Variants in DGKD observed in about 807,000 individuals in gnomAD.
DGKD encodes the protein diacylglycerol kinase delta.
DGKD carries 68 observed loss-of-function variants against 154.4 expected under a neutral mutation model. The observed-to-expected ratio is 0.44, with a 90% CI of 0.36 to 0.54. The LOEUF (loss-of-function observed/expected upper bound fraction) is 0.54, where lower values mean the gene tolerates loss of function less well. Among genes scored for constraint, DGKD ranks in the 20% least tolerant of loss-of-function variants. DGKD has a pLI of 0.00. For synonymous variants in DGKD, 693 were observed against 638.0 expected, an observed-to-expected ratio of 1.09 and a Z score of -1.30; for missense variants, 1,343 against 1,593.6, an observed-to-expected ratio of 0.84 and a Z score of 2.68.
chr2:233,365,486 C>G (rs536664645), intron 1 of DGKD, among the ~76,000 whole-genome samples: 4 of 152,232 alleles, frequency 2.6e-5, no homozygotes, highest in African/African-American at 7.2e-5. Context: ...CTCAGGTGAT[C>G]CACCTGCCTC....
At chr2:233,383,083 C>G (rs1427875089) in intron 1 of DGKD, among the ~76,000 whole-genome samples, 7 of 151,128 alleles carry the variant, frequency 4.6e-5, no homozygotes, top group Admixed American at 2.0e-4. Flanking sequence ...TCTTGTCACC[C>G]AGGCGGGAGT....
At chr2:233,434,582 G>T in intron 4 of DGKD, 98 bp downstream of exon 4, 1 of 1,427,312 alleles carries the variant, frequency 7.0e-7, no homozygotes, top group East Asian at 2.3e-5. Flanking sequence ...CCCACAGTCT[G>T]GAGCTCACGT....
chr2:233,429,383 G>A (rs2062430179), intron 3 of DGKD: 4 of 943,514 alleles, frequency 4.2e-6, no homozygotes, highest in Non-Finnish European at 5.0e-6. Context: ...TGAACAGTTC[G>A]GGACGTGTGC....
chr2:233,368,429 A>G lies in DGKD; in HGVS notation c.156+13755A>G, dbSNP rs946980039. ...CCAGAGGCCGAGGCAGGAGAATCGC[A>G]TGAACCCAGGAGGAGGAGGTTGCAG... is the stretch of plus-strand genomic sequence containing the variant. On this transcript the variant is annotated intron_variant, in intron 1 of 29. Transcript: ENST00000264057. Among the ~76,000 whole-genome samples, 3 of 152,178 alleles carry G rather than the reference A, an allele frequency of 2.0e-5. No individual in the cohort carries two copies. In the East Asian group the frequency reaches 5.8e-4, roughly 30 times the overall value.
At position 233,458,719 on chromosome 2, in the gene DGKD, C is replaced by G. The variant is rs1185980981; in HGVS notation, c.2694+322C>G. Among the ~76,000 whole-genome samples the G allele has an allele frequency of 6.6e-6, 1 of 150,838 alleles. No homozygotes were observed. The highest frequency in any genetic ancestry group is 1.5e-5 in the Non-Finnish European group (1 of 67,902). On this transcript the variant is annotated intron_variant, in intron 22 of 29. Coordinates refer to ENST00000264057, the MANE Select transcript of DGKD (RefSeq NM_152879.3). The surrounding 1 kb of genome is among the most constrained non-coding windows in gnomAD (Gnocchi z 6.6). The stretch of plus-strand genomic sequence containing the variant: ...CTCCACCTCCCTGGTTCAAGTGATT[C>G]TCCCGCCTCAGCCTTCCGAGTAGCT...
chr2:233,460,155 T>A (rs775889937), intron 23 of DGKD, 39 bp from the exon 24 acceptor site: 6 of 1,609,336 alleles, frequency 3.7e-6, no homozygotes, highest in Non-Finnish European at 5.1e-6. Context: ...AGATGCATGC[T>A]TCAGAGCAGC....
chr2:233,463,778 C>A, intron 26 of DGKD: 1 of 253,216 alleles, frequency 3.9e-6, no homozygotes, highest in South Asian at 5.6e-5. Context: ...CCCGTGGTCA[C>A]ACGCGTGTCC....
chr2:233,392,577 C>T (rs1474667064), intron 3 of DGKD, among the ~76,000 whole-genome samples: 2 of 151,996 alleles, frequency 1.3e-5, no homozygotes, highest in African/African-American at 2.4e-5. Context: ...TTAAACCAAC[C>T]CCATAAAATT....
intron 1 of DGKD, among the ~76,000 whole-genome samples, chr2:233,382,959 C>T (rs555388632): frequency 2.0e-5 from 3 of 152,112 alleles, no homozygotes; most frequent in South Asian, 2.1e-4. Flanking sequence ...TGGTAAATGC[C>T]GGTTCACACT....
At position 233,443,860 on chromosome 2, in the gene DGKD, T is replaced by C. The variant is rs534214423; in HGVS notation, c.1195-1763T>C. Among the ~76,000 whole-genome samples the C allele has an allele frequency of 3.3e-4, 50 of 152,324 alleles. 1 individual carries two copies. The highest frequency in any genetic ancestry group is 4.6e-4 in the Admixed American group (7 of 15,300). On this transcript the variant is annotated intron_variant, in intron 10 of 29. Transcript: ENST00000264057. ...ACGTTCAGCCAAGGTCAGCACACAT[T>C]TCTCTCCCCTGCGTCTCTTTGACAC...
At chr2:233,396,829 TG>T (rs1298808936) in intron 3 of DGKD, among the ~76,000 whole-genome samples, 1 of 151,784 alleles carries the variant, frequency 6.6e-6, no homozygotes, top group African/African-American at 2.4e-5. Context: ...GCGAAGACCT[TG>T]GGATGGGGAC....
intron 1 of DGKD, among the ~76,000 whole-genome samples, chr2:233,377,316 T>C (rs1702631459): frequency 6.6e-6 from 1 of 152,176 alleles, no homozygotes; most frequent in African/African-American, 2.4e-5. Flanking sequence ...ACTCCTAACC[T>C]CAGGTGATCC....
At chr2:233,423,151 T>C (rs893244387) in intron 3 of DGKD, among the ~76,000 whole-genome samples, 2 of 152,210 alleles carry the variant, frequency 1.3e-5, no homozygotes, top group African/African-American at 4.8e-5. Context: ...GTTAATCATT[T>C]ACCCCCTGAA....
At chr2:233,425,534 A>ACT (rs2062266842) in intron 3 of DGKD, among the ~76,000 whole-genome samples, 1 of 152,210 alleles carries the variant, frequency 6.6e-6, no homozygotes, top group Non-Finnish European at 1.5e-5. Context: ...CAACACATGC[A>ACT]AGTGGTACAG....
At chr2:233,422,774 C>A (rs2062161561) in intron 3 of DGKD, among the ~76,000 whole-genome samples, 1 of 152,130 alleles carries the variant, frequency 6.6e-6, no homozygotes, top group Non-Finnish European at 1.5e-5. Context: ...TTTTGAGATT[C>A]TTTGTACCCT....
intron 3 of DGKD, among the ~76,000 whole-genome samples, chr2:233,414,711 T>G (rs2061915688): frequency 6.6e-6 from 1 of 152,222 alleles, no homozygotes; most frequent in South Asian, 2.1e-4. Context: ...TCAGGTTGTT[T>G]CAGGTATGTT....
rs2063492610 is a variant in DGKD at position 233,457,301 on chromosome 2, C to A, written c.2553C>A (p.Asn851Lys). 1 of 1,536,018 alleles carries A rather than the reference C, an allele frequency of 6.5e-7. No individual in the cohort carries two copies. The highest frequency in any genetic ancestry group is 8.8e-7 in the Non-Finnish European group (1 of 1,140,950). ...TTCCCAGCTATGCCGGAGGAACCAACTTCTGGGGGGGTACCAAGGAAGATG... is the reference window on the plus strand; with the variant it reads ...TTCCCAGCTATGCCGGAGGAACCAAATTCTGGGGGGGTACCAAGGAAGATG... Reference protein sequence around the residue: ...LNIPSYAGGTNFWGGTKEDDT... With the variant: ...LNIPSYAGGTKFWGGTKEDDT... Residue 851 changes from asparagine (N) to lysine (K), a missense_variant, in exon 21 of 30, where the codon AAC becomes AAA. Coordinates refer to ENST00000264057, the MANE Select transcript of DGKD (RefSeq NM_152879.3). The surrounding 1 kb of genome is among the most constrained non-coding windows in gnomAD (Gnocchi z 5.5).
At chr2:233,468,248 G>A (rs964377685) in intron 28 of DGKD, among the ~76,000 whole-genome samples, 175 bp from the exon 29 acceptor site, 1 of 123,334 alleles carries the variant, frequency 8.1e-6, no homozygotes, top group African/African-American at 3.7e-5. Context: ...GGCTATCTCG[G>A]GTGCCGGCTG....
At chr2:233,388,128 T>G in intron 1 of DGKD, 129 bp from the exon 2 acceptor site, 177 of 1,532,350 alleles carry the variant, frequency 1.2e-4, no homozygotes, top group Non-Finnish European at 1.3e-4. Flanking sequence ...CAAGGTCTGT[T>G]GAGAGTGTGA....
Sources: gnomAD v4.1 joint callset for allele counts (sites outside exome capture counted in the v4.1 genomes callset) on GRCh38, gnomAD v4.1.1 for gene constraint, Gnocchi (gnomAD v3.1) non-coding constraint, MANE v1.5 for transcripts, NCBI Gene and HGNC (gene_info 2026-07-23, HGNC 2026-07-21) for gene names.